The following MYT1L variants were observed in gnomAD, a reference collection of about 807,000 sequenced individuals.
MYT1L encodes myelin transcription factor 1-like protein.
Under a neutral mutation model 126.7 loss-of-function variants are expected in MYT1L, and 12 were observed. The observed-to-expected ratio is 0.09, with a 90% CI of 0.06 to 0.15. The LOEUF (loss-of-function observed/expected upper bound fraction) is 0.15, where lower values mean the gene tolerates loss of function less well. MYT1L is among the 10% of genes least tolerant of loss of function. MYT1L has a pLI of 1.00. For synonymous variants in MYT1L, 541 were observed against 604.2 expected, an observed-to-expected ratio of 0.90 and a Z score of 1.53; for missense variants, 979 against 1,585.2, an observed-to-expected ratio of 0.62 and a Z score of 6.49.
At chr2:2,031,515 A>G (rs2066251331) in intron 4 of MYT1L, among the ~76,000 whole-genome samples, 1 of 148,006 alleles carries the variant, frequency 6.8e-6, no homozygotes, top group Non-Finnish European at 1.5e-5. Context: ...GGCCTTATAC[A>G]CACCCCTCCC....
intron 4 of MYT1L, among the ~76,000 whole-genome samples, chr2:2,013,599 T>C (rs2064055484): frequency 6.6e-6 from 1 of 152,246 alleles, no homozygotes; most frequent in Admixed American, 6.5e-5. Context: ...ACCTCGGCTG[T>C]TGATCAGGGA....
At chr2:2,197,629 A>G (rs2092865115) in intron 2 of MYT1L, among the ~76,000 whole-genome samples, 1 of 152,086 alleles carries the variant, frequency 6.6e-6, no homozygotes, top group Admixed American at 6.6e-5. Context: ...ACACACATGC[A>G]CACACACACG....
At chr2:1,883,491 G>A (rs901963901) in intron 18 of MYT1L, among the ~76,000 whole-genome samples, 4 of 152,180 alleles carry the variant, frequency 2.6e-5, no homozygotes, top group Non-Finnish European at 5.9e-5. Context: ...GAAATGTCAC[G>A]AGAAGAAACT....
chr2:2,248,180 AG>A (rs1384944479), intron 2 of MYT1L, among the ~76,000 whole-genome samples: 2 of 151,976 alleles, frequency 1.3e-5, no homozygotes, highest in African/African-American at 2.4e-5. Flanking sequence ...TTAAAAAAAA[AG>A]GAATGAAAAA....
At chr2:2,189,195 A>G (rs998259809) in intron 2 of MYT1L, among the ~76,000 whole-genome samples, 4 of 152,202 alleles carry the variant, frequency 2.6e-5, no homozygotes, top group African/African-American at 9.7e-5. Context: ...ACTCCTGGCC[A>G]TGCCGCCACC....
chr2:1,902,400 C>T (rs2050467855), intron 14 of MYT1L, among the ~76,000 whole-genome samples: 1 of 152,194 alleles, frequency 6.6e-6, no homozygotes, highest in African/African-American at 2.4e-5. Flanking sequence ...CCAGGCTGGG[C>T]CTTGTTTTGC....
At chr2:1,860,870 C>T (rs551117612) in intron 18 of MYT1L, among the ~76,000 whole-genome samples, 2 of 152,032 alleles carry the variant, frequency 1.3e-5, no homozygotes, top group Admixed American at 1.3e-4. Context: ...GCTACTGCCT[C>T]GACAGCACCA....
At chr2:2,181,135 CCT>C (rs2091458396) in intron 2 of MYT1L, among the ~76,000 whole-genome samples, 1 of 149,338 alleles carries the variant, frequency 6.7e-6, no homozygotes, top group Non-Finnish European at 1.5e-5. Flanking sequence ...TGCCTGTGTA[CCT>C]GTGTCTGTGC....
At chr2:2,256,922 C>G (rs955256816) in intron 2 of MYT1L, among the ~76,000 whole-genome samples, 6 of 152,202 alleles carry the variant, frequency 3.9e-5, no homozygotes, top group African/African-American at 1.4e-4. Context: ...TATAGCCACA[C>G]AGACACACAG....
rs983560079 is a variant in MYT1L at position 2,098,506 on chromosome 2, T to C, written c.-303-44383A>G. On this transcript the variant is annotated intron_variant, in intron 3 of 24. Transcript: ENST00000647738. ...GGCTGTTTTCTAGACCAGTAGGAGA[T>C]CGTGCCTCCCAGAGAGGATTTGGCA... is the stretch of plus-strand genomic sequence containing the variant. Among the ~76,000 whole-genome samples the C allele has an allele frequency of 5.9e-5, 9 of 152,260 alleles. No homozygotes were observed. The East Asian group carries it at 1.5e-3, about 26-fold the overall frequency.
chr2:2,084,294 G>A (rs2076143895), intron 3 of MYT1L, among the ~76,000 whole-genome samples: 1 of 152,246 alleles, frequency 6.6e-6, no homozygotes, highest in Non-Finnish European at 1.5e-5. Flanking sequence ...CTAAAGAAGG[G>A]AGCAGGCAGC....
intron 2 of MYT1L, among the ~76,000 whole-genome samples, chr2:2,272,434 G>A (rs532106398): frequency 1.3e-5 from 2 of 152,234 alleles, no homozygotes; most frequent in East Asian, 3.9e-4. Flanking sequence ...TCCCTTTACT[G>A]CTACTTCTCC....
intron 3 of MYT1L, among the ~76,000 whole-genome samples, chr2:2,096,513 T>C (rs2077486151): frequency 6.6e-6 from 1 of 152,232 alleles, no homozygotes; most frequent in Non-Finnish European, 1.5e-5. Context: ...AGGGGAGATC[T>C]TCCAAATAAC....
At position 2,149,167 on chromosome 2, in the gene MYT1L, T is replaced by C. The variant is rs73913221; in HGVS notation, c.-304+23705A>G. On this transcript the variant is annotated intron_variant, in intron 3 of 24. Transcript: ENST00000647738. ...TTTTTCTCTCCCTTGGTTTCTCAATTATGTTCTTCAGCAGAGCAAGTTCAA... is the reference window on the plus strand; with the variant it reads ...TTTTTCTCTCCCTTGGTTTCTCAATCATGTTCTTCAGCAGAGCAAGTTCAA... 8.6e-3 allele frequency among the ~76,000 whole-genome samples: 1,312 copies of C among 152,330 alleles called. 18 individuals carry two copies. The highest frequency in any genetic ancestry group is 0.026 in the African/African-American group (1,090 of 41,554).
chr2:1,956,619 T>TCTATCTATCTATCTATCTAC, intron 8 of MYT1L, among the ~76,000 whole-genome samples: 1 of 134,350 alleles, frequency 7.4e-6, no homozygotes, highest in East Asian at 2.1e-4. Flanking sequence ...TATCTATCTA[T>TCTATCTATCTATCTATCTAC]CTACCTACCT....
In MYT1L at chr2:1,912,075, T is replaced by G; in HGVS notation, c.1654A>C (p.Thr552Pro). 1 of 1,591,674 alleles carries G rather than the reference T, an allele frequency of 6.3e-7. No individual in the cohort carries two copies. The highest frequency in any genetic ancestry group is 8.6e-7 in the Non-Finnish European group (1 of 1,164,866). The change falls in exon 12 of 25, where the codon ACT becomes CCT. Residue 552 changes from threonine to proline, a missense_variant. Physicochemically the swap from Thr to Pro is conservative, Grantham distance 38 (BLOSUM62 -1). Coordinates refer to ENST00000647738, the MANE Select transcript of MYT1L (RefSeq NM_001303052.2). This position sits in a 1 kb window ranked among gnomAD's most constrained non-coding sequence, Gnocchi z 4.3. ...AMHESVLKCP[T>P]PGCTGRGHVN... ...TGCCCGCGCCCCGTGCAGCCCGGAG[T>G]GGGGCACTTGAGGACACTTTCATGC... is the stretch of plus-strand genomic sequence containing the variant.
At chr2:1,863,741 A>AAG (rs1553274277) in intron 18 of MYT1L, among the ~76,000 whole-genome samples, 3 of 142,730 alleles carry the variant, frequency 2.1e-5, no homozygotes, top group East Asian at 4.5e-4. Flanking sequence ...GAAACAAAAA[A>AAG]GGGGGGGGCA....
At chr2:1,942,912 A>T (rs1465870247) in intron 9 of MYT1L, 70 bp downstream of exon 9, 1 of 1,457,744 alleles carries the variant, frequency 6.9e-7, no homozygotes, top group Non-Finnish European at 9.1e-7. Context: ...TCGTAGTAAC[A>T]GCCGGCAATT....
chr2:2,004,094 C>T (rs898454662), intron 4 of MYT1L, among the ~76,000 whole-genome samples: 14 of 150,670 alleles, frequency 9.3e-5, no homozygotes, highest in African/African-American at 2.2e-4. Flanking sequence ...TTCTTTCCTG[C>T]GTGCCTTCTT....
Sources: gnomAD v4.1 joint callset for allele counts (sites outside exome capture counted in the v4.1 genomes callset) on GRCh38, gnomAD v4.1.1 for gene constraint, Gnocchi (gnomAD v3.1) non-coding constraint, MANE v1.5 for transcripts, NCBI Gene and HGNC (gene_info 2026-07-23, HGNC 2026-07-21) for gene names.